Variants in PLXNA3 observed in about 807,000 individuals in gnomAD.
PLXNA3 encodes plexin-A3.
PLXNA3 carries 52 observed loss-of-function variants against 118.8 expected under a neutral mutation model. The observed-to-expected ratio is 0.44, with a 90% CI of 0.35 to 0.55. The LOEUF is 0.55. Among genes scored for constraint, PLXNA3 ranks in the 20% least tolerant of loss-of-function variants. The pLI, the probability that PLXNA3 is intolerant of heterozygous loss-of-function variation, is 0.01. For missense variants in PLXNA3, 1,660 were observed against 1,730.8 expected, an observed-to-expected ratio of 0.96 and a Z score of 0.73; for synonymous variants, 925 against 762.4, an observed-to-expected ratio of 1.21 and a Z score of -3.51.
intron 30 of PLXNA3, 137 bp from the exon 31 acceptor site, chrX:154,470,968 G>T: frequency 2.0e-6 from 1 of 496,361 alleles, no homozygotes; most frequent in Non-Finnish European, 3.4e-6. Flanking sequence ...AGGAAAGGCC[G>T]TTCACCCTAA....
rs782347596 is a variant in PLXNA3 at position 154,461,345 on chromosome X, G to A, written c.841G>A (p.Gly281Ser). The A allele has an allele frequency of 2.3e-5, 28 of 1,211,257 alleles. No homozygotes were observed. Among genetic ancestry groups the A allele is most frequent in the South Asian group, 1.6e-4 (9 of 57,019 alleles). ...EFYSYVEFPI[G>S]CSWRGVEYRL... is the part of the protein sequence containing the mutation. ...CTACTCATACGTGGAATTCCCCATC[G>A]GCTGCTCCTGGCGCGGCGTGGAGTA... The change falls in exon 3 of 33, where the codon GGC becomes AGC. Residue 281 changes from glycine to serine, a missense_variant. Physicochemically the swap from Gly to Ser is moderately conservative, Grantham distance 56 (BLOSUM62 0). Around this residue, in one of 2 missense-constraint regions of PLXNA3, gnomAD observed 791 missense variants for 652.1 expected, o/e 1.21. Transcript: ENST00000369682.
intron 12 of PLXNA3, 29 bp downstream of exon 12, chrX:154,465,549 C>T (rs782442105): frequency 5.8e-5 from 68 of 1,171,028 alleles, no homozygotes; most frequent in Non-Finnish European, 7.2e-5. Context: ...GAGCTTCCCT[C>T]CTAAGGCAAT....
At chrX:154,468,790 G>C in intron 24 of PLXNA3, 33 bp from the exon 25 acceptor site, 2 of 1,211,207 alleles carry the variant, frequency 1.7e-6, no homozygotes, top group Non-Finnish European at 2.2e-6. Flanking sequence ...TGGTCAGGCA[G>C]GCAGCCAGCT....
At position 154,472,827 on chromosome X, in the gene PLXNA3, G is replaced by A; in HGVS notation, c.*142G>A. ...AGGTCACCCTGGCCACGATGCCCCC[G>A]GCACACCCAGGCCCCCTTCATTAGT... On this transcript the variant is annotated 3_prime_UTR_variant, in exon 33 of 33. Transcript: ENST00000369682. The A allele has an allele frequency of 6.5e-6, 3 of 460,742 alleles. No individual in the cohort carries two copies. The highest frequency in any genetic ancestry group is 6.5e-5 in the Admixed American group (2 of 30,587). 38.0% of individuals were successfully genotyped at this position (460,742 alleles called of 1,213,427 possible).
chrX:154,461,287 GAT>G lies in PLXNA3; in HGVS notation c.784_785del (p.Ile262ArgfsTer51). 8.2e-7 allele frequency: 1 copy of G among 1,212,463 alleles called. No individual in the cohort carries two copies. Among genetic ancestry groups the G allele is most frequent in the Non-Finnish European group, 1.1e-6 (1 of 895,565 alleles). ...CGGGCGAGAAATTTTTCACGTCCAA[GAT>G]CGTGCGCATGTGCGCGGGAGACTCA... ...TAGEKFFTSK[I>X]VRMCAGDSEF... On this transcript the variant is annotated frameshift_variant, in exon 3 of 33. Coordinates refer to ENST00000369682, the MANE Select transcript of PLXNA3 (RefSeq NM_017514.5). LOFTEE classifies it high-confidence loss of function.
chrX:154,467,500 C>T (rs1557207674), intron 19 of PLXNA3, 29 bp downstream of exon 19: 3 of 956,490 alleles, frequency 3.1e-6, no homozygotes, highest in South Asian at 2.1e-5. Context: ...CGGGGAGGGG[C>T]GGGAAAGTGG....
intron 4 of PLXNA3, 31 bp from the exon 5 acceptor site, chrX:154,463,360 G>C: frequency 1.7e-6 from 2 of 1,210,619 alleles, no homozygotes. Context: ...GCAGGAGGCT[G>C]TGGTGGCATC....
At chrX:154,461,708 C>T (rs1403499396) in intron 3 of PLXNA3, 70 bp downstream of exon 3, 56 of 1,013,557 alleles carry the variant, frequency 5.5e-5, no homozygotes, top group South Asian at 2.4e-4. Flanking sequence ...CGTGGGCTCA[C>T]GGCCAGTCAT....
chrX:154,470,643 G>C, intron 30 of PLXNA3, 32 bp downstream of exon 30: 5 of 1,181,819 alleles, frequency 4.2e-6, no homozygotes, highest in Non-Finnish European at 5.7e-6. Context: ...CCAGCAGCCT[G>C]TCTGGAGACT....
chrX:154,472,531 T>C, intron 32 of PLXNA3, 59 bp from the exon 33 acceptor site: 3 of 809,376 alleles, frequency 3.7e-6, no homozygotes, highest in Non-Finnish European at 5.6e-6. Context: ...GTGGGGACTT[T>C]GCATGGCAGG....
intron 28 of PLXNA3, 83 bp downstream of exon 28, chrX:154,469,867 G>A (rs2069156463): frequency 3.6e-6 from 4 of 1,110,846 alleles, no homozygotes; most frequent in East Asian, 3.0e-5. Context: ...GAGTGTAGAC[G>A]GAGGGTCGGC....
In PLXNA3 at chrX:154,477,703, C is replaced by A. The variant is rs962134675; in HGVS notation, c.*5018C>A. On this transcript the variant is annotated 3_prime_UTR_variant, in exon 33 of 33. Transcript: ENST00000369682. ...CCTTGAATATCTGAATTCTAGAACCCCCCCCCCAGCAACCCAAGCACAACA... is the reference window on the plus strand; with the variant it reads ...CCTTGAATATCTGAATTCTAGAACCACCCCCCCAGCAACCCAAGCACAACA... The A allele has an allele frequency of 5.7e-4, 174 of 303,471 alleles. 1 individual carries two copies. The highest frequency in any genetic ancestry group is 4.5e-3 in the African/African-American group (155 of 34,165). 25.0% of individuals were successfully genotyped at this position (303,471 alleles called of 1,213,427 possible). A position where few individuals can be genotyped will look rare whatever the true frequency, so the allele number is the denominator to read the frequency against.
rs1557208462 is a variant in PLXNA3 at position 154,469,027 on chromosome X, A to G, written c.4435-29A>G. 3.3e-6 allele frequency: 4 copies of G among 1,210,280 alleles called. No individual in the cohort carries two copies. The South Asian group carries it at 7.0e-5, about 21-fold the overall frequency. On this transcript the variant is annotated intron_variant, in intron 25 of 32. Coordinates refer to ENST00000369682, the MANE Select transcript of PLXNA3 (RefSeq NM_017514.5). Reference sequence around the variant, plus strand: ...GGTGCAGAGAGAGGCCTCGCCCCAGACTGACACTGGAGTCCGCTTTCCCCT... The same window carrying G: ...GGTGCAGAGAGAGGCCTCGCCCCAGGCTGACACTGGAGTCCGCTTTCCCCT...
chrX:154,471,544 A>T lies in PLXNA3; in HGVS notation c.5426A>T (p.Tyr1809Phe). ...ASISDQDMDA[Y>F]LVEQSRLHAS... ...ATCAGCGACCAGGACATGGATGCCTACCTGGTGGAGCAGTCCCGCCTCCAC... is the reference window on the plus strand; with the variant it reads ...ATCAGCGACCAGGACATGGATGCCTTCCTGGTGGAGCAGTCCCGCCTCCAC... Residue 1809 changes from tyrosine to phenylalanine, a missense_variant, in exon 32 of 33, where the codon TAC becomes TTC. Coordinates refer to ENST00000369682, the MANE Select transcript of PLXNA3 (RefSeq NM_017514.5). 2 of 1,209,066 alleles carry T rather than the reference A, an allele frequency of 1.7e-6. No homozygotes were observed. Among genetic ancestry groups the T allele is most frequent in the Non-Finnish European group, 2.2e-6 (2 of 893,185 alleles).
chrX:154,474,953 GTTTTTTGTTTT>G lies in PLXNA3; in HGVS notation c.*2275_*2285del, dbSNP rs1343621230. ...CAAGTGCTTGCCACCATACCCAGCTGTTTTTTGTTTTTTTTTTTTTTCTTTAGTAGAGATGG... is the reference window on the plus strand; with the variant it reads ...CAAGTGCTTGCCACCATACCCAGCTGTTTTTTTTTTCTTTAGTAGAGATGG... On this transcript the variant is annotated 3_prime_UTR_variant, in exon 33 of 33. Coordinates refer to ENST00000369682, the MANE Select transcript of PLXNA3 (RefSeq NM_017514.5). 1.3e-5 allele frequency: 1 copy of G among 76,397 alleles called. No homozygotes were observed. Among genetic ancestry groups the G allele is most frequent in the African/African-American group, 4.0e-5 (1 of 24,855 alleles). The allele number at this position is 76,397 out of a possible 1,213,427, so 6.3% of individuals were successfully genotyped here.
In PLXNA3 at chrX:154,476,964, CCA is replaced by C. The variant is rs2069240399; in HGVS notation, c.*4282_*4283del. The C allele has an allele frequency of 2.7e-5, 3 of 111,926 alleles. No individual in the cohort carries two copies. Among genetic ancestry groups the C allele is most frequent in the Admixed American group, 9.5e-5 (1 of 10,526 alleles). The allele number at this position is 111,926 out of a possible 1,213,427, so 9.2% of individuals were successfully genotyped here. A position where few individuals can be genotyped will look rare whatever the true frequency, so the allele number is the denominator to read the frequency against. On this transcript the variant is annotated 3_prime_UTR_variant, in exon 33 of 33. Transcript: ENST00000369682. ...TGCACAGGGAAAGAACCCTGGATAT[CCA>C]CAGAGGCTCCCGTTCCAGTGTGCAG...
At chrX:154,465,348 G>T in intron 11 of PLXNA3, 76 bp from the exon 12 acceptor site, 1 of 1,042,628 alleles carries the variant, frequency 9.6e-7, no homozygotes, top group Non-Finnish European at 1.3e-6. Flanking sequence ...ACCTGGAGGA[G>T]GGGGGCAGCT....
chrX:154,465,318 C>A, intron 11 of PLXNA3, 100 bp downstream of exon 11: 1 of 1,036,762 alleles, frequency 9.6e-7, no homozygotes, highest in African/African-American at 1.8e-5. Context: ...CTGTCTGAGT[C>A]TCCTGCTAGG....
chrX:154,461,533 C>T lies in PLXNA3; in HGVS notation c.1029C>T (p.Ser343=). The change falls in exon 3 of 33, where the codon AGC becomes AGT. Residue 343 remains serine, a synonymous_variant. Coordinates refer to ENST00000369682, the MANE Select transcript of PLXNA3 (RefSeq NM_017514.5). The stretch of plus-strand genomic sequence containing the variant: ...CCATCCTCTGCCTCTTCACCCTCAG[C>T]AACATCAATGCCCACATCCGGCGCC... ...RQTILCLFTL[S]NINAHIRRRI... is the part of the protein sequence containing the mutation. The T allele has an allele frequency of 2.5e-6, 3 of 1,211,234 alleles. No individual in the cohort carries two copies. Among genetic ancestry groups the T allele is most frequent in the South Asian group, 3.5e-5 (2 of 57,047 alleles).
Sources: gnomAD v4.1 joint callset for allele counts on GRCh38, gnomAD v4.1.1 for gene constraint, gnomAD v4.1.1 regional missense constraint, MANE v1.5 for transcripts, NCBI Gene and HGNC (gene_info 2026-07-23, HGNC 2026-07-21) for gene names.